SLC25A29: variants seen among roughly 807,000 people sequenced by gnomAD.
SLC25A29 encodes the protein mitochondrial basic amino acids transporter.
A neutral mutation model predicts 10.0 loss-of-function variants in SLC25A29; 13 were observed. That is an observed-to-expected ratio of 1.30 (90% CI 0.85 to 2.07). SLC25A29 has a LOEUF of 2.07. Ranked by LOEUF, SLC25A29 falls within the 30% of genes most tolerant of loss-of-function variation. The probability of loss-of-function intolerance (pLI) is 0.00; values close to 1 mark genes in which losing one functional copy is unlikely to be tolerated. For missense variants in SLC25A29, 475 were observed against 447.6 expected (o/e 1.06, Z -0.55); for synonymous variants, 244 against 221.1 (o/e 1.10, Z -0.92).
At chr14:100,294,910 C>T (rs1444344331) in intron 2 of SLC25A29, 1 of 152,196 alleles carries the variant, frequency 6.6e-6, no homozygotes, top group Non-Finnish European at 1.5e-5. Flanking sequence ...CAGTTCTTGG[C>T]CAACACCTTG....
the SLC25A29 span, chr14:100,281,867 G>A: frequency 1.3e-5 from 2 of 152,188 alleles, no homozygotes; most frequent in African/African-American, 4.8e-5. Context: ...CCCACAAGAG[G>A]GCAGATTTGT....
rs1892335598 is a variant in SLC25A29 at position 100,298,705 on chromosome 14, G to A, written c.78+137C>T. The A allele has an allele frequency of 6.5e-6, 7 of 1,080,744 alleles. No individual in the cohort carries two copies. The East Asian group carries it at 1.7e-4, about 26-fold the overall frequency. 66.9% of individuals were successfully genotyped at this position (1,080,744 alleles called of 1,614,324 possible). A position where few individuals can be genotyped will look rare whatever the true frequency, so the allele number is the denominator to read the frequency against. ...GGAGATGCCAGGACAAAGCAGTGAG[G>A]AAGGTTCAACCCGGCCTGGTGTAAA... On this transcript the variant is annotated intron_variant, in intron 2 of 3. Coordinates refer to ENST00000359232, the MANE Select transcript of SLC25A29 (RefSeq NM_001039355.3).
At chr14:100,284,082 T>G in the SLC25A29 span, among the ~76,000 whole-genome samples, 2 of 152,114 alleles carry the variant, frequency 1.3e-5, no homozygotes, top group African/African-American at 4.8e-5. Flanking sequence ...CCCAGTGGCC[T>G]CCTCCAAACC....
chr14:100,281,372 C>T, the SLC25A29 span: 1 of 152,292 alleles, frequency 6.6e-6, no homozygotes, highest in Admixed American at 6.5e-5. Context: ...TTCCTCCCAG[C>T]TGCTCTGCTG....
chr14:100,304,750 G>T (rs1298915624), intron 1 of SLC25A29, among the ~76,000 whole-genome samples: 2 of 152,222 alleles, frequency 1.3e-5, no homozygotes, highest in African/African-American at 4.8e-5. Context: ...CCACAGATGT[G>T]CCGGGAGGCG....
chr14:100,297,948 A>G (rs1207455030), intron 2 of SLC25A29: 1 of 152,322 alleles, frequency 6.6e-6, no homozygotes, highest in Non-Finnish European at 1.5e-5. Flanking sequence ...GTCACAGCCA[A>G]TGCAAAGGCC....
intron 3 of SLC25A29, 54 bp downstream of exon 3, chr14:100,293,240 G>A (rs1891894093): frequency 1.5e-5 from 24 of 1,587,396 alleles, no homozygotes; most frequent in Non-Finnish European, 2.0e-5. Flanking sequence ...TGGCAGCCCG[G>A]AAGCTAGTTC....
At position 100,292,927 on chromosome 14, in the gene SLC25A29, C is replaced by T. The variant is rs778729227; in HGVS notation, c.268G>A (p.Asp90Asn). 2.2e-5 allele frequency: 35 copies of T among 1,607,692 alleles called. No individual in the cohort carries two copies. Among genetic ancestry groups the T allele is most frequent in the Non-Finnish European group, 2.4e-5 (28 of 1,178,080 alleles). Reference sequence around the variant, plus strand: ...GCCAGGAACTGGTTGAGGGGCGAGTCGTGGCCCAGGGCCCGGAGGGTGTTG... The same window carrying T: ...GCCAGGAACTGGTTGAGGGGCGAGTTGTGGCCCAGGGCCCGGAGGGTGTTG... ...QGNTLRALGH[D>N]SPLNQFLAGA... is the part of the protein sequence containing the mutation. Residue 90 changes from aspartate to asparagine, a missense_variant, in exon 4 of 4, where the codon GAC (aspartate) becomes AAC (asparagine). Asp to Asn is a conservative substitution (Grantham distance 23). Coordinates refer to ENST00000359232, the MANE Select transcript of SLC25A29 (RefSeq NM_001039355.3).
In SLC25A29 at chr14:100,293,033, C is replaced by G. The variant is rs770886960; in HGVS notation, c.163-1G>C. ...CCAGGCCCTTGTACAGGCCCAGCAC[C>G]TGCGGGGACAGAGACGCCATCAGAG... is the stretch of plus-strand genomic sequence containing the variant. On this transcript the variant is annotated splice_acceptor_variant, in intron 3 of 3. Transcript: ENST00000359232. LOFTEE classifies it high-confidence loss of function. 4.6e-6 allele frequency: 7 copies of G among 1,533,874 alleles called. No homozygotes were observed. Among genetic ancestry groups the G allele is most frequent in the Non-Finnish European group, 5.2e-6 (6 of 1,143,848 alleles).
At chr14:100,284,427 CG>C in the SLC25A29 span, among the ~76,000 whole-genome samples, 3 of 152,196 alleles carry the variant, frequency 2.0e-5, no homozygotes, top group African/African-American at 7.2e-5. Context: ...CCTCCCCACA[CG>C]GCCTTTCTGC....
rs1490767853 is a variant in SLC25A29, at chr14:100,295,969, C to T, written c.79-2592G>A. 3.1e-6 allele frequency: 4 copies of T among 1,289,642 alleles called. No homozygotes were observed. The African/African-American group carries it at 4.6e-5, about 15-fold the overall frequency. 79.9% of individuals were successfully genotyped at this position (1,289,642 alleles called of 1,614,324 possible). ...TGGGCGCTATAGAGGAGATCCAGAT[C>T]TTGGATTCTTTCAGTCCCAAGGGCC... On this transcript the variant is annotated intron_variant, in intron 2 of 3. Coordinates refer to ENST00000359232, the MANE Select transcript of SLC25A29 (RefSeq NM_001039355.3).
intron 3 of SLC25A29, 80 bp downstream of exon 3, chr14:100,293,214 C>A: frequency 6.5e-7 from 1 of 1,535,172 alleles, no homozygotes; most frequent in South Asian, 1.2e-5. Context: ...CTTCCTGGCT[C>A]TCTGGTCTGG....
the SLC25A29 span, chr14:100,282,418 A>C: frequency 2.0e-5 from 3 of 152,136 alleles, no homozygotes; most frequent in African/African-American, 7.3e-5. Context: ...GGAGAAAGGC[A>C]TCAGTACCAA....
rs778814679 is a variant in SLC25A29, at chr14:100,293,356, C to G, written c.100G>C (p.Val34Leu). ...TVKVRLQVQS[V>L]EKPQYRGTLH... is the part of the protein sequence containing the mutation. ...GTCCCGCGGTACTGAGGCTTCTCCACGCTCTGGACCTGAAGCCGTACCTGG... is the reference window on the plus strand; with the variant it reads ...GTCCCGCGGTACTGAGGCTTCTCCAGGCTCTGGACCTGAAGCCGTACCTGG... Residue 34 changes from valine to leucine, a missense_variant, in exon 3 of 4, where the codon GTG (valine) becomes CTG (leucine). Transcript: ENST00000359232. 2 of 1,613,224 alleles carry G rather than the reference C, an allele frequency of 1.2e-6. No homozygotes were observed. Among genetic ancestry groups the G allele is most frequent in the African/African-American group, 1.3e-5 (1 of 75,054 alleles).
intron 1 of SLC25A29, among the ~76,000 whole-genome samples, chr14:100,300,618 C>T (rs1320175909): frequency 6.6e-6 from 1 of 152,012 alleles, no homozygotes; most frequent in East Asian, 1.9e-4. Flanking sequence ...CTCCTGACTT[C>T]AAAAAAAGCC....
the SLC25A29 span, chr14:100,281,009 G>C: frequency 7.7e-6 from 1 of 129,436 alleles, no homozygotes; most frequent in African/African-American, 2.9e-5. Context: ...GCAGTGAGCC[G>C]AGATCGCACC....
At chr14:100,293,547 C>G in intron 2 of SLC25A29, 170 bp from the exon 3 acceptor site, 2 of 609,380 alleles carry the variant, frequency 3.3e-6, no homozygotes, top group Non-Finnish European at 5.8e-6. Context: ...TATGCCTTCT[C>G]AGGATGGGGT....
chr14:100,304,939 T>A (rs1892815016), intron 1 of SLC25A29: 1 of 152,106 alleles, frequency 6.6e-6, no homozygotes, highest in South Asian at 2.1e-4. Context: ...CCCCACCCGC[T>A]GGAGCTGATA....
rs988631033 is a variant in SLC25A29 at position 100,291,912 on chromosome 14, G to A, written c.*371C>T. 7.7e-5 allele frequency: 23 copies of A among 298,626 alleles called. No homozygotes were observed. The highest frequency in any genetic ancestry group is 1.3e-4 in the Non-Finnish European group (21 of 157,460). The allele number at this position is 298,626 out of a possible 1,614,324, so 18.5% of individuals were successfully genotyped here. A position where few individuals can be genotyped will look rare whatever the true frequency, so the allele number is the denominator to read the frequency against. On this transcript the variant is annotated 3_prime_UTR_variant, in exon 4 of 4. Coordinates refer to ENST00000359232, the MANE Select transcript of SLC25A29 (RefSeq NM_001039355.3). ...TTGGTTGGCCATCAGAGACCCCCGGGAGCCAGCCTGCAGGGCAGGAGCACA... is the reference window on the plus strand; with the variant it reads ...TTGGTTGGCCATCAGAGACCCCCGGAAGCCAGCCTGCAGGGCAGGAGCACA...
Sources: gnomAD v4.1 joint callset for allele counts (sites outside exome capture counted in the v4.1 genomes callset) on GRCh38, gnomAD v4.1.1 for gene constraint, MANE v1.5 for transcripts, NCBI Gene and HGNC (gene_info 2026-07-23, HGNC 2026-07-21) for gene names.